The following CLASP1 variants were observed in gnomAD, a reference collection of about 807,000 sequenced individuals.
The protein encoded by CLASP1 is cytoplasmic linker associated protein 1.
Under a neutral mutation model 192.3 loss-of-function variants are expected in CLASP1, and 38 were observed. That is an observed-to-expected ratio of 0.20 (90% CI 0.15 to 0.26). CLASP1 has a LOEUF of 0.26. Among genes scored for constraint, CLASP1 ranks in the 10% least tolerant of loss-of-function variants. The pLI is 1.00. For missense variants in CLASP1, 1,433 were observed against 1,932.5 expected, an observed-to-expected ratio of 0.74 and a Z score of 4.85; for synonymous variants, 691 against 712.8, an observed-to-expected ratio of 0.97 and a Z score of 0.49.
At chr2:121,346,290 C>A (rs963025383) in intron 39 of CLASP1, among the ~76,000 whole-genome samples, 1 of 152,244 alleles carries the variant, frequency 6.6e-6, no homozygotes, top group Non-Finnish European at 1.5e-5. Context: ...CAAGGCCTCA[C>A]CCCTTCACCA....
intron 37 of CLASP1, among the ~76,000 whole-genome samples, chr2:121,356,609 T>A (rs1302358945): frequency 1.3e-4 from 20 of 152,264 alleles, no homozygotes; most frequent in Admixed American, 1.3e-3. Context: ...GAATCAATTA[T>A]TTTAAAAGTA....
At chr2:121,483,792 A>G (rs533801504) in intron 8 of CLASP1, among the ~76,000 whole-genome samples, 1 of 152,354 alleles carries the variant, frequency 6.6e-6, no homozygotes, top group South Asian at 2.1e-4. Context: ...AACAATAGCA[A>G]TCTAGAGTTC....
At chr2:121,471,089 C>T (rs2090633500) in intron 8 of CLASP1, among the ~76,000 whole-genome samples, 2 of 152,142 alleles carry the variant, frequency 1.3e-5, no homozygotes, top group African/African-American at 4.8e-5. Context: ...TCAAGACCAG[C>T]CTGGGCAACA....
At chr2:121,385,573 A>T (rs550681439) in intron 32 of CLASP1, among the ~76,000 whole-genome samples, 5 of 152,338 alleles carry the variant, frequency 3.3e-5, no homozygotes, top group Admixed American at 3.3e-4. Flanking sequence ...TGATACTAAC[A>T]GCACTATCAA....
At chr2:121,376,826 G>T (rs1185853421) in intron 34 of CLASP1, among the ~76,000 whole-genome samples, 2 of 152,162 alleles carry the variant, frequency 1.3e-5, no homozygotes, top group Admixed American at 6.5e-5. Flanking sequence ...TATGAACTGT[G>T]CATGCGAGGG....
intron 37 of CLASP1, among the ~76,000 whole-genome samples, chr2:121,358,320 A>T (rs915795793): frequency 6.6e-6 from 1 of 152,218 alleles, no homozygotes; most frequent in African/African-American, 2.4e-5. Context: ...AAACACAGAT[A>T]ATCACCTAGT....
intron 8 of CLASP1, among the ~76,000 whole-genome samples, chr2:121,472,737 G>A (rs2090976795): frequency 6.6e-6 from 1 of 151,076 alleles, no homozygotes. Flanking sequence ...CCAAGAAGGT[G>A]TGAAATGAAA....
chr2:121,380,532 G>A (rs2071390782), intron 33 of CLASP1, among the ~76,000 whole-genome samples: 1 of 152,062 alleles, frequency 6.6e-6, no homozygotes, highest in Non-Finnish European at 1.5e-5. Flanking sequence ...GGGCTTGCCC[G>A]CTAAAGGATC....
intron 1 of CLASP1, among the ~76,000 whole-genome samples, chr2:121,636,228 C>T (rs1374313105): frequency 6.6e-6 from 1 of 151,608 alleles, no homozygotes; most frequent in Non-Finnish European, 1.5e-5. Context: ...CCCAGCTACT[C>T]GGGAGGCTGA....
chr2:121,593,069 A>AG, intron 2 of CLASP1, among the ~76,000 whole-genome samples: 1 of 152,222 alleles, frequency 6.6e-6, no homozygotes, highest in East Asian at 1.9e-4. Flanking sequence ...AATTAGAAAG[A>AG]GGGGAAAAAA....
At chr2:121,568,379 C>T (rs2059693711) in intron 2 of CLASP1, among the ~76,000 whole-genome samples, 1 of 151,930 alleles carries the variant, frequency 6.6e-6, no homozygotes, top group Admixed American at 6.6e-5. Flanking sequence ...CTGGGGCAGT[C>T]TAATCAGATA....
intron 10 of CLASP1, among the ~76,000 whole-genome samples, chr2:121,461,725 G>C (rs2088001391): frequency 6.6e-6 from 1 of 152,102 alleles, no homozygotes; most frequent in African/African-American, 2.4e-5. Flanking sequence ...CTGTCGCCCA[G>C]GATGGAGTGC....
intron 2 of CLASP1, among the ~76,000 whole-genome samples, chr2:121,539,200 T>C (rs564326395): frequency 6.6e-6 from 1 of 152,332 alleles, no homozygotes; most frequent in East Asian, 1.9e-4. Flanking sequence ...ATAATACGAA[T>C]GGCAAGGCAC....
intron 19 of CLASP1, among the ~76,000 whole-genome samples, chr2:121,442,186 C>G (rs2083460092): frequency 6.6e-6 from 1 of 152,136 alleles, no homozygotes; most frequent in Non-Finnish European, 1.5e-5. Flanking sequence ...CATTCATTTA[C>G]CATATGACAT....
intron 32 of CLASP1, among the ~76,000 whole-genome samples, chr2:121,384,194 A>G (rs2149364775): frequency 6.8e-6 from 1 of 147,374 alleles, no homozygotes; most frequent in Admixed American, 6.7e-5. Flanking sequence ...ACACACACAC[A>G]TTTTTTGTTT....
In CLASP1 at chr2:121,641,634, A is replaced by G. The variant is rs745641193; in HGVS notation, c.-286+7738T>C. ...CCCAATGTGAGTTTCATACAGTTTC[A>G]TCATACTGAAGGCCCTCATGATTGC... On this transcript the variant is annotated intron_variant, in intron 1 of 39. Coordinates refer to ENST00000263710, the Ensembl canonical transcript of CLASP1. 3.3e-5 allele frequency among the ~76,000 whole-genome samples: 5 copies of G among 152,356 alleles called. 1 individual carries two copies. Among genetic ancestry groups the G allele is most frequent in the Admixed American group, 6.5e-5 (1 of 15,310 alleles).
At chr2:121,629,951 T>C (rs1224926095) in intron 1 of CLASP1, among the ~76,000 whole-genome samples, 1 of 152,072 alleles carries the variant, frequency 6.6e-6, no homozygotes, top group East Asian at 1.9e-4. Flanking sequence ...GATGGAGTCT[T>C]GCTCTGTCAC....
At position 121,397,379 on chromosome 2, in the gene CLASP1, G is replaced by C; in HGVS notation, c.2980-96C>G. On this transcript the variant is annotated intron_variant, in intron 29 of 39. Coordinates refer to ENST00000263710, the Ensembl canonical transcript of CLASP1. ...CCAGAGAAAAGTAAACCCTGGTGAGGGGGATCTCCTTCCTTTCTCCTGTAT... is the reference window on the plus strand; with the variant it reads ...CCAGAGAAAAGTAAACCCTGGTGAGCGGGATCTCCTTCCTTTCTCCTGTAT... 2.9e-6 allele frequency: 3 copies of C among 1,021,782 alleles called. No individual in the cohort carries two copies. The South Asian group carries it at 4.5e-5, about 15-fold the overall frequency. The allele number at this position is 1,021,782 out of a possible 1,614,324, so 63.3% of individuals were successfully genotyped here. A position where few individuals can be genotyped will look rare whatever the true frequency, so the allele number is the denominator to read the frequency against.
At chr2:121,593,106 C>T (rs1015140026) in intron 2 of CLASP1, among the ~76,000 whole-genome samples, 2 of 152,174 alleles carry the variant, frequency 1.3e-5, no homozygotes, top group South Asian at 2.1e-4. Flanking sequence ...ACCTGGCAAA[C>T]ACCTCTTTAA....
Sources: allele counts gnomAD v4.1 joint callset (sites outside exome capture counted in the v4.1 genomes callset), GRCh38; gene constraint gnomAD v4.1.1; transcripts MANE v1.5; gene names NCBI Gene and HGNC (gene_info 2026-07-23, HGNC 2026-07-21).